Variants in COL4A4 observed in about 807,000 individuals in gnomAD.
COL4A4 encodes collagen alpha-4(IV) chain.
COL4A4 carries 105 observed loss-of-function variants against 192.9 expected under a neutral mutation model. That is an observed-to-expected ratio of 0.54 (90% CI 0.46 to 0.64). The LOEUF is 0.64. Among genes scored for constraint, COL4A4 ranks in the 30% least tolerant of loss-of-function variants. COL4A4 has a pLI of 0.00. For synonymous variants in COL4A4, 762 were observed against 769.9 expected, an observed-to-expected ratio of 0.99 and a Z score of 0.17; for missense variants, 1,967 against 2,169.3, an observed-to-expected ratio of 0.91 and a Z score of 1.85.
intron 8 of COL4A4, 146 bp from the exon 9 acceptor site, chr2:227,111,859 G>T: frequency 1.3e-6 from 1 of 795,874 alleles, no homozygotes; most frequent in Non-Finnish European, 2.1e-6. Context: ...AATTGAGGAA[G>T]GGATATGCGG....
intron 41 of COL4A4, 135 bp downstream of exon 41, chr2:227,030,308 T>TG (rs1176980417): frequency 8.2e-6 from 8 of 972,540 alleles, no homozygotes; most frequent in African/African-American, 1.6e-5. Flanking sequence ...CAGGACTCTT[T>TG]GGGGAAATAA....
chr2:227,064,737 T>C (rs2058188544), intron 25 of COL4A4, among the ~76,000 whole-genome samples: 1 of 152,134 alleles, frequency 6.6e-6, no homozygotes. Context: ...ATCTTCAACC[T>C]CCTTAAACAG....
chr2:227,044,411 A>G (rs954153190), intron 35 of COL4A4, among the ~76,000 whole-genome samples: 9 of 152,196 alleles, frequency 5.9e-5, no homozygotes, highest in African/African-American at 1.7e-4. Context: ...CATAAAATAT[A>G]TGTCTCTGTA....
In COL4A4 at chr2:227,108,854, T is replaced by C; in HGVS notation, c.672A>G (p.Gln224=). Residue 224 remains glutamine (Q), a synonymous_variant, in exon 11 of 48, where the codon CAA becomes CAG. Coordinates refer to ENST00000396625, the MANE Select transcript of COL4A4 (RefSeq NM_000092.5). ...CTACCTTCAAACCTGGACGCCCTGG[T>C]TGGCCCGGAGGTCCCTAAATCAAGG... The part of the protein sequence containing the change: ...GEPGLVGPPG[Q]PGRPGLKGNP... The C allele has an allele frequency of 6.2e-7, 1 of 1,612,086 alleles. No individual in the cohort carries two copies. The highest frequency in any genetic ancestry group is 2.2e-5 in the East Asian group (1 of 44,826).
chr2:227,064,764 G>A (rs547107944), intron 25 of COL4A4, among the ~76,000 whole-genome samples: 1 of 152,306 alleles, frequency 6.6e-6, no homozygotes, highest in South Asian at 2.1e-4. Flanking sequence ...TGTCGGCCAA[G>A]AATTTCGTAT....
At position 227,094,407 on chromosome 2, in the gene COL4A4, C is replaced by T. The variant is rs7561347; in HGVS notation, c.1205-118G>A. The T allele has an allele frequency of 3.7e-3, 3,671 of 1,003,666 alleles. 90 individuals are homozygous for T. The African/African-American group carries it at 0.05, about 14-fold the overall frequency. The allele number at this position is 1,003,666 out of a possible 1,614,324, so 62.2% of individuals were successfully genotyped here. On this transcript the variant is annotated intron_variant, in intron 19 of 47. Coordinates refer to ENST00000396625, the MANE Select transcript of COL4A4 (RefSeq NM_000092.5). ...ATCGAATTTTTTAAAGGGAAAGAGACGGAGCTGGAGGTCATTATGCTAAGT... is the reference window on the plus strand; with the variant it reads ...ATCGAATTTTTTAAAGGGAAAGAGATGGAGCTGGAGGTCATTATGCTAAGT...
At chr2:227,002,545 A>G (rs1397421704), downstream of COL4A4, among the ~76,000 whole-genome samples, 1 of 152,198 alleles carries the variant, frequency 6.6e-6, no homozygotes, top group Non-Finnish European at 1.5e-5. Flanking sequence ...CACTGTGCAT[A>G]GAACAGTGTT....
At chr2:226,991,196 T>G in the COL4A4 span, among the ~76,000 whole-genome samples, 1 of 152,204 alleles carries the variant, frequency 6.6e-6, no homozygotes, top group African/African-American at 2.4e-5. Flanking sequence ...TATATCTCTT[T>G]TTTGAGACAG....
intron 8 of COL4A4, among the ~76,000 whole-genome samples, chr2:227,114,229 G>A (rs2061369010): frequency 6.6e-6 from 1 of 152,196 alleles, no homozygotes; most frequent in Non-Finnish European, 1.5e-5. Context: ...CTGGATATAC[G>A]CTTTGGGGAG....
chr2:227,001,057 C>G (rs1960824783), downstream of COL4A4, among the ~76,000 whole-genome samples: 1 of 151,738 alleles, frequency 6.6e-6, no homozygotes, highest in African/African-American at 2.4e-5. Flanking sequence ...TGAAAATGGA[C>G]TAATACAGGA....
intron 25 of COL4A4, among the ~76,000 whole-genome samples, chr2:227,075,148 T>C (rs2058952276): frequency 6.6e-6 from 1 of 152,160 alleles, no homozygotes; most frequent in South Asian, 2.1e-4. Flanking sequence ...CCCTTACTCA[T>C]TTTATGAGGC....
chr2:227,097,149 C>T (rs1285375057), intron 19 of COL4A4, among the ~76,000 whole-genome samples: 1 of 138,866 alleles, frequency 7.2e-6, no homozygotes, highest in African/African-American at 2.5e-5. Flanking sequence ...TGCCTGCTGC[C>T]TTGTCCCATT....
rs758945837 is a variant in COL4A4 at position 227,008,097 on chromosome 2, G to A, written c.4730C>T (p.Ala1577Val). 14 of 1,613,886 alleles carry A rather than the reference G, an allele frequency of 8.7e-6. No individual in the cohort carries two copies. The highest frequency in any genetic ancestry group is 1.7e-5 in the Admixed American group (1 of 59,988). The change falls in exon 47 of 48, where the codon GCG becomes GTG. Residue 1577 changes from alanine to valine, a missense_variant. By Grantham distance (64) the Ala-to-Val change is moderately conservative. Transcript: ENST00000396625. ...GATGGACTGGTCCTGGCTGTGCACC[G>A]CCACCGCCTGGGCCGGGGCCTCGCA... Reference protein sequence around the residue: ...AVCEAPAQAVAVHSQDQSIPP... With the variant: ...AVCEAPAQAVVVHSQDQSIPP...
chr2:226,988,651 AG>A, the COL4A4 span: 68 of 985,192 alleles, frequency 6.9e-5, no homozygotes, highest in Non-Finnish European at 8.0e-5. Flanking sequence ...TCTGAGAGGA[AG>A]GTAGGATTTT....
intron 4 of COL4A4, among the ~76,000 whole-genome samples, chr2:227,131,318 CT>C (rs1164318322): frequency 1.3e-5 from 2 of 152,014 alleles, no homozygotes; most frequent in Non-Finnish European, 2.9e-5. Context: ...CCATGCCCAG[CT>C]AATTTTTGTA....
At chr2:227,041,864 A>AAGAGAGAGAG (rs1559478720) in intron 37 of COL4A4, among the ~76,000 whole-genome samples, 5 of 109,348 alleles carry the variant, frequency 4.6e-5, no homozygotes, top group African/African-American at 2.0e-4. Flanking sequence ...GAAAGAAAGA[A>AAGAGAGAGAG]AGAAAGAAAG....
intron 35 of COL4A4, among the ~76,000 whole-genome samples, chr2:227,044,190 G>A (rs529365627): frequency 5.3e-5 from 8 of 152,294 alleles, no homozygotes; most frequent in Admixed American, 1.3e-4. Context: ...AGAGCATGCC[G>A]TGTTCTTACT....
In COL4A4 at chr2:227,030,547, T is replaced by C; in HGVS notation, c.3869A>G (p.Glu1290Gly). ...LPGSVDLLRGEPGDCGLPGPP... is the reference protein window; with the variant it reads ...LPGSVDLLRGGPGDCGLPGPP... ...CCCTGGTAGACCACAGTCACCTGGCTCCCCTCTCAGAAGGTCAACACTCCC... is the reference window on the plus strand; with the variant it reads ...CCCTGGTAGACCACAGTCACCTGGCCCCCCTCTCAGAAGGTCAACACTCCC... The change falls in exon 41 of 48, where the codon GAG becomes GGG. Residue 1290 changes from glutamate to glycine, a missense_variant. Coordinates refer to ENST00000396625, the MANE Select transcript of COL4A4 (RefSeq NM_000092.5). 6.2e-7 allele frequency: 1 copy of C among 1,613,976 alleles called. No individual in the cohort carries two copies. Among genetic ancestry groups the C allele is most frequent in the Non-Finnish European group, 8.5e-7 (1 of 1,179,932 alleles).
At chr2:227,071,760 C>T (rs1471591115) in intron 25 of COL4A4, among the ~76,000 whole-genome samples, 1 of 152,030 alleles carries the variant, frequency 6.6e-6, no homozygotes, top group Non-Finnish European at 1.5e-5. Context: ...CAAAATTATA[C>T]AAATACATGG....
Sources: allele counts gnomAD v4.1 joint callset (sites outside exome capture counted in the v4.1 genomes callset), GRCh38; gene constraint gnomAD v4.1.1; transcripts MANE v1.5; gene names NCBI Gene and HGNC (gene_info 2026-07-23, HGNC 2026-07-21).